The following FRMD5 variants were observed in gnomAD, a reference collection of about 807,000 sequenced individuals.
FRMD5 encodes FERM domain-containing protein 5.
FRMD5 carries 20 observed loss-of-function variants against 69.0 expected under a neutral mutation model. The ratio of observed to expected loss-of-function variants is 0.29; its 90% CI spans 0.20 to 0.42. FRMD5 has a LOEUF of 0.42. Ranked by LOEUF, FRMD5 falls within the 10% of genes least tolerant of loss-of-function variation. FRMD5 has a pLI of 1.00. For synonymous variants in FRMD5, 271 were observed against 260.1 expected, an observed-to-expected ratio of 1.04 and a Z score of -0.40; for missense variants, 595 against 708.6, an observed-to-expected ratio of 0.84 and a Z score of 1.82.
intron 1 of FRMD5, among the ~76,000 whole-genome samples, chr15:44,163,918 C>T (rs970581314): frequency 1.3e-5 from 2 of 152,282 alleles, no homozygotes; most frequent in East Asian, 3.9e-4. Context: ...TCTGTATAGG[C>T]CAAATTAAAT....
chr15:43,963,605 C>G (rs956197153), intron 1 of FRMD5, among the ~76,000 whole-genome samples: 1 of 152,156 alleles, frequency 6.6e-6, no homozygotes, highest in Non-Finnish European at 1.5e-5. Context: ...GACACATGCA[C>G]ACGTATGTTT....
At chr15:43,905,061 G>A (rs1411414891) in intron 6 of FRMD5, among the ~76,000 whole-genome samples, 2 of 151,868 alleles carry the variant, frequency 1.3e-5, no homozygotes, top group Admixed American at 6.6e-5. Context: ...ATCCTCCACT[G>A]AGAAGCCACC....
At chr15:43,964,491 AC>A (rs1321185424) in intron 1 of FRMD5, among the ~76,000 whole-genome samples, 2 of 143,316 alleles carry the variant, frequency 1.4e-5, no homozygotes, top group African/African-American at 3.0e-5. Context: ...AAACAAACAA[AC>A]AAACAAACAA....
intron 1 of FRMD5, among the ~76,000 whole-genome samples, chr15:44,086,426 T>G (rs1002236462): frequency 1.3e-5 from 2 of 152,182 alleles, no homozygotes; most frequent in African/African-American, 4.8e-5. Context: ...GGATGAACCT[T>G]GAAAATGTAG....
chr15:44,173,920 AT>A (rs2077848844), intron 1 of FRMD5, among the ~76,000 whole-genome samples: 1 of 151,968 alleles, frequency 6.6e-6, no homozygotes, highest in African/African-American at 2.4e-5. Flanking sequence ...TTTCAGATAC[AT>A]TTTCTCTATT....
intron 1 of FRMD5, among the ~76,000 whole-genome samples, chr15:43,985,827 A>G (rs1217445051): frequency 3.3e-5 from 5 of 152,372 alleles, no homozygotes; most frequent in Middle Eastern, 3.4e-3. Flanking sequence ...CAGAGAGGAA[A>G]GATCAAAGGT....
rs1482947751 is a variant in FRMD5 at position 44,096,206 on chromosome 15, C to CG, written c.102+98746_102+98747insC. On this transcript the variant is annotated intron_variant, in intron 1 of 13. Transcript: ENST00000417257. ...AAGCAACATGAGAGAAACTCCATCT[C>CG]AAAAAAAAAAAAAAAAAAAAAAAGA... 7.5e-4 allele frequency among the ~76,000 whole-genome samples: 36 copies of CG among 47,902 alleles called. 1 individual carries two copies. In the South Asian group the frequency reaches 0.033, roughly 44 times the overall value. The allele number at this position is 47,902 out of a possible 152,430, so 31.4% of individuals were successfully genotyped here.
chr15:43,960,773 A>T (rs1193766989), intron 1 of FRMD5, among the ~76,000 whole-genome samples: 1 of 152,258 alleles, frequency 6.6e-6, no homozygotes, highest in Non-Finnish European at 1.5e-5. Flanking sequence ...AAGATAAATA[A>T]GAAATAGCTC....
At position 44,180,339 on chromosome 15, in the gene FRMD5, T is replaced by C. The variant is rs191485323; in HGVS notation, c.102+14614A>G. Reference sequence around the variant, plus strand: ...TAACATATATTACAAATTAAAGATATGTAATATGGACTTTATAGCAAATAA... The same window carrying C: ...TAACATATATTACAAATTAAAGATACGTAATATGGACTTTATAGCAAATAA... On this transcript the variant is annotated intron_variant, in intron 1 of 13. Coordinates refer to ENST00000417257, the MANE Select transcript of FRMD5 (RefSeq NM_032892.5). Among the ~76,000 whole-genome samples the C allele has an allele frequency of 4.1e-4, 62 of 152,286 alleles. No individual in the cohort carries two copies. In the East Asian group the frequency reaches 5.6e-3, roughly 14 times the overall value.
intron 1 of FRMD5, among the ~76,000 whole-genome samples, chr15:44,069,729 TG>T (rs1159243595): frequency 6.6e-6 from 1 of 152,178 alleles, no homozygotes; most frequent in Non-Finnish European, 1.5e-5. Flanking sequence ...TTCTACATCC[TG>T]ACTGCAAGCA....
At chr15:43,908,235 G>A (rs987625784) in intron 5 of FRMD5, among the ~76,000 whole-genome samples, 1 of 151,566 alleles carries the variant, frequency 6.6e-6, no homozygotes, top group African/African-American at 2.4e-5. Context: ...GGCTGAGGTG[G>A]GAGGATCACT....
intron 1 of FRMD5, among the ~76,000 whole-genome samples, chr15:44,101,141 T>A (rs2076633351): frequency 7.4e-6 from 1 of 135,290 alleles, no homozygotes; most frequent in Non-Finnish European, 1.6e-5. Context: ...CAAGTGATAC[T>A]CCATCTCAAA....
At chr15:44,180,219 A>AT (rs2077973665) in intron 1 of FRMD5, among the ~76,000 whole-genome samples, 1 of 152,102 alleles carries the variant, frequency 6.6e-6, no homozygotes, top group Non-Finnish European at 1.5e-5. Flanking sequence ...AGACAATATC[A>AT]TTTTTTATCT....
At position 44,151,937 on chromosome 15, in the gene FRMD5, C is replaced by T. The variant is rs753280077; in HGVS notation, c.102+43016G>A. 9.2e-5 allele frequency among the ~76,000 whole-genome samples: 14 copies of T among 152,296 alleles called. No homozygotes were observed. The East Asian group carries it at 1.5e-3, about 17-fold the overall frequency. The stretch of plus-strand genomic sequence containing the variant: ...AAATGGGCAAAGGCCAGGCCAGGCG[C>T]GGTGGATCACAACTGTAATCTCAGC... On this transcript the variant is annotated intron_variant, in intron 1 of 13. Transcript: ENST00000417257.
At chr15:43,932,679 A>C (rs937736352) in intron 1 of FRMD5, among the ~76,000 whole-genome samples, 2 of 152,234 alleles carry the variant, frequency 1.3e-5, no homozygotes, top group African/African-American at 4.8e-5. Flanking sequence ...GATCTCTCTC[A>C]AAAAACAGAA....
chr15:43,919,610 C>T, intron 3 of FRMD5, 73 bp from the exon 4 acceptor site: 1 of 1,494,010 alleles, frequency 6.7e-7, no homozygotes, highest in Non-Finnish European at 9.3e-7. Flanking sequence ...TGCCCACTAG[C>T]ATGAAGCAGC....
chr15:44,059,907 T>C (rs970419597), intron 1 of FRMD5, among the ~76,000 whole-genome samples: 2 of 152,184 alleles, frequency 1.3e-5, no homozygotes, highest in Non-Finnish European at 1.5e-5. Flanking sequence ...AGAAACACCT[T>C]TAAAAAATAG....
chr15:44,133,754 AAAG>A (rs893115387), intron 1 of FRMD5, among the ~76,000 whole-genome samples: 4 of 152,174 alleles, frequency 2.6e-5, no homozygotes, highest in South Asian at 2.1e-4. Flanking sequence ...ACTCTAGGAA[AAAG>A]AAGAAGAAGC....
At chr15:44,019,737 C>CAAAAAAA (rs1189890743) in intron 1 of FRMD5, among the ~76,000 whole-genome samples, 1 of 23,514 alleles carries the variant, frequency 4.3e-5, no homozygotes. Context: ...GAGTCTGTCT[C>CAAAAAAA]AAAAAAAAAA....
Sources: gnomAD v4.1 joint callset for allele counts (sites outside exome capture counted in the v4.1 genomes callset) on GRCh38, gnomAD v4.1.1 for gene constraint, MANE v1.5 for transcripts, NCBI Gene and HGNC (gene_info 2026-07-23, HGNC 2026-07-21) for gene names.